The following GSE1 variants were observed in gnomAD, a reference collection of about 807,000 sequenced individuals.
GSE1 encodes genetic suppressor element 1.
A neutral mutation model predicts 112.6 loss-of-function variants in GSE1; 32 were observed. The ratio of observed to expected loss-of-function variants is 0.28; its 90% CI spans 0.21 to 0.38. The LOEUF is 0.38. Among genes scored for constraint, GSE1 ranks in the 10% least tolerant of loss-of-function variants. The probability of loss-of-function intolerance (pLI) is 1.00; values close to 1 mark genes in which losing one functional copy is unlikely to be tolerated. For missense variants in GSE1, 2,348 were observed against 1,699.2 expected, an observed-to-expected ratio of 1.38 and a Z score of -6.71; for synonymous variants, 1,115 against 735.6, an observed-to-expected ratio of 1.52 and a Z score of -8.35.
At chr16:85,414,646 A>C (rs1003355830) in intron 2 of GSE1, among the ~76,000 whole-genome samples, 2 of 152,018 alleles carry the variant, frequency 1.3e-5, no homozygotes, top group East Asian at 1.9e-4. Flanking sequence ...TTATTTATTT[A>C]TTTCTTGAGA....
intron 1 of GSE1, among the ~76,000 whole-genome samples, chr16:85,580,551 C>T (rs953500524): frequency 6.6e-6 from 1 of 152,218 alleles, no homozygotes; most frequent in Non-Finnish European, 1.5e-5. Context: ...CAGCGATGCC[C>T]AGGGACACCG....
intron 1 of GSE1, among the ~76,000 whole-genome samples, chr16:85,314,541 C>T (rs2045944327): frequency 6.6e-6 from 1 of 152,150 alleles, no homozygotes; most frequent in Admixed American, 6.5e-5. Flanking sequence ...CACATGCATG[C>T]ACACACATGA....
At chr16:85,236,425 A>G (rs372093489) in intron 1 of GSE1, among the ~76,000 whole-genome samples, 2 of 152,092 alleles carry the variant, frequency 1.3e-5, no homozygotes, top group African/African-American at 4.8e-5. Context: ...TGGGCTAAAA[A>G]CTCTGAGACT....
intron 15 of GSE1, among the ~76,000 whole-genome samples, chr16:85,671,302 T>G (rs1296063602): frequency 6.6e-6 from 1 of 150,862 alleles, no homozygotes; most frequent in Admixed American, 6.6e-5. Context: ...TAGCCGGGCG[T>G]AGTGGCGGGC....
At chr16:85,252,495 G>A (rs1597195054) in intron 1 of GSE1, among the ~76,000 whole-genome samples, 1 of 152,364 alleles carries the variant, frequency 6.6e-6, no homozygotes. Context: ...AGCCCCTTGG[G>A]CACACCCAAG....
intron 1 of GSE1, among the ~76,000 whole-genome samples, chr16:85,222,236 C>T (rs181129488): frequency 6.6e-6 from 1 of 152,212 alleles, no homozygotes; most frequent in African/African-American, 2.4e-5. Flanking sequence ...CTGCCCTGAG[C>T]GGGGCCCACC....
chr16:85,570,758 G>A (rs1037685888), intron 1 of GSE1, among the ~76,000 whole-genome samples: 3 of 152,240 alleles, frequency 2.0e-5, no homozygotes, highest in African/African-American at 4.8e-5. Context: ...ACCTGTTGGT[G>A]CCAGGCCCTG....
chr16:85,523,886 C>G (rs2052275270), intron 2 of GSE1, among the ~76,000 whole-genome samples: 1 of 152,250 alleles, frequency 6.6e-6, no homozygotes, highest in Non-Finnish European at 1.5e-5. Context: ...GCGGGGTCAA[C>G]AGGCCCAGGC....
chr16:85,667,648 C>T (rs536786497), intron 13 of GSE1, among the ~76,000 whole-genome samples: 15 of 152,292 alleles, frequency 9.8e-5, no homozygotes, highest in East Asian at 1.9e-4. Flanking sequence ...ACCTGAGGTC[C>T]GGAGTTTGAA....
upstream of GSE1, among the ~76,000 whole-genome samples, chr16:85,610,732 C>G (rs565621073): frequency 6.6e-6 from 1 of 152,342 alleles, no homozygotes; most frequent in East Asian, 1.9e-4. Context: ...CCTAGGCCTA[C>G]TGGGTTGGGA....
chr16:85,654,650 C>CT, intron 4 of GSE1, 144 bp from the exon 5 acceptor site: 1 of 722,944 alleles, frequency 1.4e-6, no homozygotes, highest in Non-Finnish European at 2.4e-6. Context: ...CCCCCCGCTG[C>CT]TTAAGCCCCG....
chr16:85,321,229 T>G (rs1334179126), intron 1 of GSE1, among the ~76,000 whole-genome samples: 1 of 152,170 alleles, frequency 6.6e-6, no homozygotes, highest in African/African-American at 2.4e-5. Context: ...AATGCTCGTG[T>G]AGCTCAAGTG....
In GSE1 at chr16:85,675,659, C is replaced by G. The variant is rs1052135814; in HGVS notation, c.*3120C>G. 6.6e-6 allele frequency: 1 copy of G among 152,290 alleles called. No homozygotes were observed. The highest frequency in any genetic ancestry group is 2.4e-5 in the African/African-American group (1 of 41,550). The allele number at this position is 152,290 out of a possible 1,614,324, so 9.4% of individuals were successfully genotyped here. Reference sequence around the variant, plus strand: ...AGTAGCTCATAATACTGCCAAATCTCAAAAGTTAAGCTGAATTTCACACCA... The same window carrying G: ...AGTAGCTCATAATACTGCCAAATCTGAAAAGTTAAGCTGAATTTCACACCA... On this transcript the variant is annotated 3_prime_UTR_variant, in exon 16 of 16. Coordinates refer to ENST00000253458, the MANE Select transcript of GSE1 (RefSeq NM_014615.5).
chr16:85,427,471 G>A (rs1468660694), intron 2 of GSE1, among the ~76,000 whole-genome samples: 1 of 152,094 alleles, frequency 6.6e-6, no homozygotes, highest in African/African-American at 2.4e-5. Context: ...GTGAAACCCC[G>A]TCTCTAGTAA....
chr16:85,438,324 T>A (rs1274837756), intron 2 of GSE1, among the ~76,000 whole-genome samples: 2 of 152,182 alleles, frequency 1.3e-5, no homozygotes, highest in African/African-American at 4.8e-5. Flanking sequence ...TCTGTGCTGC[T>A]CCTTGCTGGG....
chr16:85,650,874 G>A lies in GSE1; in HGVS notation c.426+2123G>A, dbSNP rs1057145271. Reference sequence around the variant, plus strand: ...GCAGTTGCCGGGCCGGAGGCTTCTCGGCCCCTTCTCGGGGTCACCCCTCTC... The same window carrying A: ...GCAGTTGCCGGGCCGGAGGCTTCTCAGCCCCTTCTCGGGGTCACCCCTCTC... On this transcript the variant is annotated intron_variant, in intron 3 of 15. Transcript: ENST00000253458. 5.9e-5 allele frequency among the ~76,000 whole-genome samples: 9 copies of A among 151,946 alleles called. No individual in the cohort carries two copies. The East Asian group carries it at 1.6e-3, about 26-fold the overall frequency.
At chr16:85,438,060 C>T (rs927994869) in intron 2 of GSE1, among the ~76,000 whole-genome samples, 14 of 152,180 alleles carry the variant, frequency 9.2e-5, no homozygotes, top group South Asian at 6.2e-4. Flanking sequence ...CTGGGGGAGG[C>T]GGGAGAGGGG....
At chr16:85,434,466 G>T (rs570283325) in intron 2 of GSE1, among the ~76,000 whole-genome samples, 15 of 152,286 alleles carry the variant, frequency 9.8e-5, no homozygotes, top group African/African-American at 3.4e-4. Context: ...GCATGTTACA[G>T]ATGAGGAAAT....
chr16:85,347,033 C>A (rs999638327), intron 1 of GSE1, among the ~76,000 whole-genome samples: 7 of 152,138 alleles, frequency 4.6e-5, no homozygotes, highest in African/African-American at 1.4e-4. Context: ...TGTCACGTGA[C>A]AGGGTCAGAA....
Sources: allele counts gnomAD v4.1 joint callset (sites outside exome capture counted in the v4.1 genomes callset), GRCh38; gene constraint gnomAD v4.1.1; transcripts MANE v1.5; gene names NCBI Gene and HGNC (gene_info 2026-07-23, HGNC 2026-07-21).